The following COL24A1 variants were observed in gnomAD, a reference collection of about 807,000 sequenced individuals.
The protein encoded by COL24A1 is collagen type XXIV alpha 1 chain.
In COL24A1, 224 loss-of-function variants were observed where a neutral mutation model predicts 253.9. That is an observed-to-expected ratio of 0.88 (90% CI 0.79 to 0.99). The LOEUF is 0.99. COL24A1 is among the 50% of genes least tolerant of loss of function. COL24A1 has a pLI of 0.00. For missense variants in COL24A1, 2,131 were observed against 2,068.5 expected (o/e 1.03, Z -0.59); for synonymous variants, 685 against 673.7 (o/e 1.02, Z -0.26).
intron 19 of COL24A1, among the ~76,000 whole-genome samples, chr1:85,989,931 C>T (rs1190265985): frequency 6.6e-6 from 1 of 152,164 alleles, no homozygotes; most frequent in Non-Finnish European, 1.5e-5. Context: ...ATCCTGGGGT[C>T]CTATAAGGTC....
intron 55 of COL24A1, among the ~76,000 whole-genome samples, chr1:85,755,786 T>A (rs1249402745): frequency 6.6e-6 from 1 of 151,872 alleles, no homozygotes; most frequent in Non-Finnish European, 1.5e-5. Flanking sequence ...GAGGTAAAAC[T>A]ATAAAATTAT....
chr1:85,825,408 G>C (rs1674172414), intron 43 of COL24A1, among the ~76,000 whole-genome samples: 2 of 152,180 alleles, frequency 1.3e-5, no homozygotes, highest in Non-Finnish European at 2.9e-5. Context: ...CTTTATAGCA[G>C]CATGATTTAT....
intron 45 of COL24A1, among the ~76,000 whole-genome samples, chr1:85,821,420 C>G (rs946121098): frequency 2.6e-5 from 4 of 152,154 alleles, no homozygotes; most frequent in African/African-American, 9.7e-5. Flanking sequence ...CTCATAATCT[C>G]TCTGGGATTT....
chr1:86,056,773 G>A (rs937841372), intron 10 of COL24A1, among the ~76,000 whole-genome samples: 5 of 151,682 alleles, frequency 3.3e-5, no homozygotes, highest in African/African-American at 4.8e-5. Flanking sequence ...AGAATCGCTT[G>A]GACCCGGGAG....
intron 20 of COL24A1, among the ~76,000 whole-genome samples, chr1:85,973,929 A>G (rs572939606): frequency 6.6e-6 from 1 of 152,296 alleles, no homozygotes; most frequent in South Asian, 2.1e-4. Flanking sequence ...AGCCCAAAAG[A>G]GCTGATGTAA....
At chr1:85,811,869 T>A (rs2101887132) in intron 47 of COL24A1, among the ~76,000 whole-genome samples, 1 of 152,338 alleles carries the variant, frequency 6.6e-6, no homozygotes, top group East Asian at 1.9e-4. Context: ...GCTATTAATA[T>A]TTGGACCTCA....
In COL24A1 at chr1:86,063,754, G is replaced by A; in HGVS notation, c.1713C>T (p.Leu571=). 6.5e-7 allele frequency: 1 copy of A among 1,544,348 alleles called. No individual in the cohort carries two copies. The highest frequency in any genetic ancestry group is 8.7e-7 in the Non-Finnish European group (1 of 1,144,842). ...GTCCTGGGAGTCCAGGATGTCCTTT[G>A]AGACCCTGTAAAAGAATAAGTGGAG... is the stretch of plus-strand genomic sequence containing the variant. The part of the protein sequence containing the change: ...GPPGMQGDKG[L]KGHPGLPGLP... Residue 571 remains leucine (L), a synonymous_variant, in exon 8 of 60, where the codon CTC becomes CTT. Transcript: ENST00000370571.
intron 31 of COL24A1, among the ~76,000 whole-genome samples, chr1:85,894,363 A>T (rs539803023): frequency 6.6e-6 from 1 of 152,298 alleles, no homozygotes; most frequent in Non-Finnish European, 1.5e-5. Context: ...TGATTCTAGT[A>T]TCTTTTATTT....
At position 86,120,955 on chromosome 1, in the gene COL24A1, T is replaced by A. The variant is rs533753425; in HGVS notation, c.1491+3890A>T. ...GGCACATACACACCATGGAATAGTA[T>A]GCAGCCTTAAAAAAGGATGAGTTCA... On this transcript the variant is annotated intron_variant, in intron 3 of 59. Transcript: ENST00000370571. Among the ~76,000 whole-genome samples, 14 of 152,300 alleles carry A rather than the reference T, an allele frequency of 9.2e-5. No homozygotes were observed. The East Asian group carries it at 1.2e-3, about 13-fold the overall frequency.
intron 20 of COL24A1, among the ~76,000 whole-genome samples, chr1:85,979,162 A>G (rs1291899038): frequency 2.0e-5 from 3 of 152,190 alleles, no homozygotes; most frequent in African/African-American, 7.2e-5. Context: ...GACACAACCT[A>G]TGAAAACCAC....
At chr1:85,998,640 G>A (rs1379009365) in intron 19 of COL24A1, among the ~76,000 whole-genome samples, 2 of 152,120 alleles carry the variant, frequency 1.3e-5, no homozygotes, top group African/African-American at 4.8e-5. Flanking sequence ...CATTATTCCA[G>A]TCACTCTCTT....
intron 43 of COL24A1, among the ~76,000 whole-genome samples, chr1:85,824,316 G>A (rs893681395): frequency 1.3e-5 from 2 of 152,154 alleles, no homozygotes; most frequent in Non-Finnish European, 2.9e-5. Context: ...TTGATCCCTT[G>A]ATTTTGGATT....
chr1:85,851,054 C>T (rs144820335), intron 37 of COL24A1, among the ~76,000 whole-genome samples: 1,653 of 150,468 alleles, frequency 0.011, 22 homozygotes, highest in African/African-American at 0.038. Context: ...TGAAGCCCCA[C>T]ATTAAACATA....
At chr1:86,022,432 A>G in intron 17 of COL24A1, 106 bp downstream of exon 17, 1 of 1,326,322 alleles carries the variant, frequency 7.5e-7, no homozygotes, top group East Asian at 2.4e-5. Context: ...TTAAAACCAT[A>G]TTGATACCAC....
intron 9 of COL24A1, among the ~76,000 whole-genome samples, 198 bp downstream of exon 9, chr1:86,058,923 T>G (rs1002755192): frequency 3.9e-5 from 6 of 152,192 alleles, no homozygotes; most frequent in African/African-American, 1.4e-4. Flanking sequence ...ATATTTAAAA[T>G]CCCCCTTCCA....
chr1:85,947,139 T>G (rs1689402060), intron 24 of COL24A1, among the ~76,000 whole-genome samples: 1 of 152,238 alleles, frequency 6.6e-6, no homozygotes, highest in African/African-American at 2.4e-5. Context: ...TTAACATCCT[T>G]GTCCCCATTC....
At chr1:86,026,944 G>T (rs1698087399) in intron 14 of COL24A1, among the ~76,000 whole-genome samples, 1 of 152,098 alleles carries the variant, frequency 6.6e-6, no homozygotes, top group Non-Finnish European at 1.5e-5. Flanking sequence ...CTACAGTAAG[G>T]GTGACTCTTG....
chr1:85,819,075 T>C (rs1485313645), intron 45 of COL24A1, among the ~76,000 whole-genome samples: 1 of 152,152 alleles, frequency 6.6e-6, no homozygotes, highest in Non-Finnish European at 1.5e-5. Context: ...GATTTGACAA[T>C]GGGGAGATAT....
At chr1:85,830,995 G>T (rs571084254) in intron 43 of COL24A1, among the ~76,000 whole-genome samples, 1 of 152,214 alleles carries the variant, frequency 6.6e-6, no homozygotes, top group South Asian at 2.1e-4. Context: ...TTCTTTGTTT[G>T]CATTCTGAGG....
Sources: gnomAD v4.1 joint callset for allele counts (sites outside exome capture counted in the v4.1 genomes callset) on GRCh38, gnomAD v4.1.1 for gene constraint, MANE v1.5 for transcripts, NCBI Gene and HGNC (gene_info 2026-07-23, HGNC 2026-07-21) for gene names.